ARHGAP8: variants seen among roughly 807,000 people sequenced by gnomAD.
The protein encoded by ARHGAP8 is Rho GTPase activating protein 8.
A neutral mutation model predicts 46.1 loss-of-function variants in ARHGAP8; 62 were observed. The ratio of observed to expected loss-of-function variants is 1.34; its 90% CI spans 1.10 to 1.66. The LOEUF (loss-of-function observed/expected upper bound fraction) is 1.66, where lower values mean the gene tolerates loss of function less well. ARHGAP8 is among the 40% of genes most tolerant of loss of function. The probability of loss-of-function intolerance (pLI) is 0.00; values close to 1 mark genes in which losing one functional copy is unlikely to be tolerated. For synonymous variants in ARHGAP8, 375 were observed against 243.1 expected, an observed-to-expected ratio of 1.54 and a Z score of -5.05; for missense variants, 923 against 568.4, an observed-to-expected ratio of 1.62 and a Z score of -6.34.
rs748389226 is a variant in ARHGAP8, at chr22:44,792,021, C to CTTTTT, written c.79+5421_79+5425dup. Among the ~76,000 whole-genome samples the CTTTTT allele has an allele frequency of 2.4e-4, 19 of 78,142 alleles. No individual in the cohort carries two copies. The East Asian group carries it at 2.5e-3, about 10-fold the overall frequency. The allele number at this position is 78,142 out of a possible 152,430, so 51.3% of individuals were successfully genotyped here. ...TCTTCTTTTTCTTCTTTCTTTCTTT[C>CTTTTT]TTTTTTTTTTAGATGGAGTCTTGCT... On this transcript the variant is annotated intron_variant, in intron 2 of 11. Transcript: ENST00000356099.
At chr22:44,845,392 C>T in intron 8 of ARHGAP8, 50 bp downstream of exon 8, 1 of 1,611,840 alleles carries the variant, frequency 6.2e-7, no homozygotes, top group Admixed American at 1.7e-5. Context: ...GCTGGGTGCA[C>T]CTCTCTGGGT....
At chr22:44,816,663 G>A (rs569689797) in intron 5 of ARHGAP8, among the ~76,000 whole-genome samples, 9 of 151,980 alleles carry the variant, frequency 5.9e-5, no homozygotes, top group African/African-American at 7.3e-5. Context: ...AAAATTAGCC[G>A]GATGTGTAGC....
At chr22:44,837,411 G>C (rs1218928635) in intron 7 of ARHGAP8, among the ~76,000 whole-genome samples, 4 of 152,156 alleles carry the variant, frequency 2.6e-5, no homozygotes, top group Admixed American at 2.6e-4. Context: ...CCAACAAACT[G>C]TGCTCTGTGC....
At chr22:44,834,475 G>T (rs2147139325) in intron 7 of ARHGAP8, among the ~76,000 whole-genome samples, 1 of 152,068 alleles carries the variant, frequency 6.6e-6, no homozygotes, top group South Asian at 2.1e-4. Context: ...AACTTACTTT[G>T]TATGATTTAA....
chr22:44,828,064 A>G (rs1180740088), intron 7 of ARHGAP8, among the ~76,000 whole-genome samples: 1 of 152,196 alleles, frequency 6.6e-6, no homozygotes, highest in African/African-American at 2.4e-5. Flanking sequence ...TGACTGTCGT[A>G]CTGCACTGCA....
intron 5 of ARHGAP8, among the ~76,000 whole-genome samples, chr22:44,818,553 A>G (rs1461319645): frequency 6.6e-6 from 1 of 152,022 alleles, no homozygotes; most frequent in Non-Finnish European, 1.5e-5. Flanking sequence ...CTTGCCATCC[A>G]TTACCCATTA....
chr22:44,816,516 C>T (rs73889797), intron 5 of ARHGAP8, among the ~76,000 whole-genome samples: 2 of 152,148 alleles, frequency 1.3e-5, no homozygotes, highest in African/African-American at 2.4e-5. Flanking sequence ...TTGGGCACAT[C>T]GAGAGCTACT....
At chr22:44,858,020 A>C (rs2147189517) in intron 10 of ARHGAP8, among the ~76,000 whole-genome samples, 1 of 152,362 alleles carries the variant, frequency 6.6e-6, no homozygotes, top group Middle Eastern at 3.4e-3. Flanking sequence ...CAACACCCAG[A>C]GAAGGAAATG....
At chr22:44,857,458 C>A (rs919215388) in intron 10 of ARHGAP8, among the ~76,000 whole-genome samples, 21 of 152,112 alleles carry the variant, frequency 1.4e-4, no homozygotes, top group Admixed American at 1.4e-3. Flanking sequence ...GAAAAACATA[C>A]CAGTTTATTT....
chr22:44,779,821 G>A (rs570103409), intron 1 of ARHGAP8, among the ~76,000 whole-genome samples: 6 of 152,134 alleles, frequency 3.9e-5, no homozygotes, highest in South Asian at 4.2e-4. Context: ...CACCTGCCTC[G>A]GCCTCCAAAG....
chr22:44,847,703 G>A (rs975158939), intron 8 of ARHGAP8, among the ~76,000 whole-genome samples: 2 of 152,198 alleles, frequency 1.3e-5, no homozygotes, highest in African/African-American at 4.8e-5. Context: ...GAGGCCGAGA[G>A]CTTTCTCTGA....
intron 7 of ARHGAP8, among the ~76,000 whole-genome samples, chr22:44,843,716 T>G (rs532045548): frequency 5.9e-5 from 9 of 151,748 alleles, no homozygotes; most frequent in Non-Finnish European, 1.0e-4. Context: ...CCCCAGCTAC[T>G]TGGGAGGCTA....
chr22:44,851,219 C>T (rs950314765), intron 10 of ARHGAP8, among the ~76,000 whole-genome samples: 1 of 152,212 alleles, frequency 6.6e-6, no homozygotes, highest in South Asian at 2.1e-4. Context: ...ACCTGGAGAG[C>T]GTAGTCATAT....
Position 44,833,709 on chromosome 22 carries a change from T to C in ARHGAP8, c.596+8116T>C, listed in dbSNP as rs1931109186. Among the ~76,000 whole-genome samples the C allele has an allele frequency of 2.6e-5, 4 of 152,320 alleles. No individual in the cohort carries two copies. In the South Asian group the frequency reaches 8.3e-4, roughly 32 times the overall value. On this transcript the variant is annotated intron_variant, in intron 7 of 11. Transcript: ENST00000356099. ...GAAGTGTTTCCTCCTCTTCTATTTT[T>C]TGGAAGAATTTGTACCATATTAGAG...
intron 1 of ARHGAP8, among the ~76,000 whole-genome samples, chr22:44,760,870 C>T (rs1925074702): frequency 6.6e-6 from 1 of 152,178 alleles, no homozygotes; most frequent in Non-Finnish European, 1.5e-5. Context: ...CCTCTGTGTC[C>T]TTGTCCCCGA....
chr22:44,861,487 C>G (rs1028400276), intron 11 of ARHGAP8, among the ~76,000 whole-genome samples: 6 of 152,140 alleles, frequency 3.9e-5, no homozygotes, highest in Non-Finnish European at 7.4e-5. Context: ...GCCTGAAAGG[C>G]ATCCAGCCAT....
chr22:44,848,990 G>A lies in ARHGAP8; in HGVS notation c.807G>A (p.Lys269=), dbSNP rs1484670691. 1 of 1,614,030 alleles carries A rather than the reference G, an allele frequency of 6.2e-7. No homozygotes were observed. The highest frequency in any genetic ancestry group is 1.3e-5 in the African/African-American group (1 of 74,932). ...GDIHIPAVIL[K]TFLRELPQPL... The stretch of plus-strand genomic sequence containing the variant: ...TTCACATCCCTGCCGTGATCCTGAA[G>A]ACCTTCCTGCGAGAGCTGCCCCAGC... The change falls in exon 10 of 12, where the codon AAG becomes AAA. Residue 269 remains lysine, a synonymous_variant. Coordinates refer to ENST00000356099, the MANE Select transcript of ARHGAP8 (RefSeq NM_181335.3).
chr22:44,841,944 G>A (rs1931679842), intron 7 of ARHGAP8, among the ~76,000 whole-genome samples: 1 of 152,220 alleles, frequency 6.6e-6, no homozygotes, highest in Non-Finnish European at 1.5e-5. Flanking sequence ...CTACTCCCGT[G>A]TGGCTCCTGA....
At chr22:44,763,016 C>T (rs1174188125) in intron 1 of ARHGAP8, among the ~76,000 whole-genome samples, 2 of 152,086 alleles carry the variant, frequency 1.3e-5, no homozygotes, top group African/African-American at 2.4e-5. Context: ...GGAGGGTGAG[C>T]GGATCACCAA....
Sources: gnomAD v4.1 joint callset for allele counts (sites outside exome capture counted in the v4.1 genomes callset) on GRCh38, gnomAD v4.1.1 for gene constraint, MANE v1.5 for transcripts, NCBI Gene and HGNC (gene_info 2026-07-23, HGNC 2026-07-21) for gene names.